PLCB1: variants seen among roughly 807,000 people sequenced by gnomAD.
PLCB1 encodes the protein phospholipase C beta 1.
A neutral mutation model predicts 161.8 loss-of-function variants in PLCB1; 46 were observed. The observed-to-expected ratio is 0.28, with a 90% CI of 0.22 to 0.36. The LOEUF (loss-of-function observed/expected upper bound fraction) is 0.36. Among genes scored for constraint, PLCB1 ranks in the 10% least tolerant of loss-of-function variants. PLCB1 has a pLI of 1.00. For synonymous variants in PLCB1, 517 were observed against 503.7 expected, an observed-to-expected ratio of 1.03 and a Z score of -0.35; for missense variants, 1,016 against 1,472.5, an observed-to-expected ratio of 0.69 and a Z score of 5.07.
chr20:8,276,935 CTT>C lies in PLCB1; in HGVS notation c.178-94446_178-94445del, dbSNP rs1371714046. Among the ~76,000 whole-genome samples the C allele has an allele frequency of 6.3e-3, 181 of 28,550 alleles. 1 individual carries two copies. The highest frequency in any genetic ancestry group is 0.015 in the South Asian group (14 of 944). The allele number at this position is 28,550 out of a possible 152,430, so 18.7% of individuals were successfully genotyped here. On this transcript the variant is annotated intron_variant, in intron 2 of 31. Coordinates refer to ENST00000338037, the MANE Select transcript of PLCB1 (RefSeq NM_015192.4). ...TTCTTCGTCTTCTTCTTTTCTTCTT[CTT>C]CTTCTTCTTCTTCTTCTTCTTCTTC...
intron 3 of PLCB1, among the ~76,000 whole-genome samples, chr20:8,493,758 A>T (rs1305547840): frequency 1.5e-5 from 1 of 68,926 alleles, no homozygotes; most frequent in Non-Finnish European, 3.3e-5. Context: ...TTGGTGTACG[A>T]GAGTCTGCAT....
At chr20:8,779,270 C>T (rs1032022521) in intron 27 of PLCB1, among the ~76,000 whole-genome samples, 1 of 151,958 alleles carries the variant, frequency 6.6e-6, no homozygotes, top group African/African-American at 2.4e-5. Context: ...CTGATAGACA[C>T]TGGAGACGAA....
At chr20:8,756,127 A>G (rs1486484647) in intron 23 of PLCB1, among the ~76,000 whole-genome samples, 1 of 151,646 alleles carries the variant, frequency 6.6e-6, no homozygotes, top group Non-Finnish European at 1.5e-5. Flanking sequence ...AATATAAGGG[A>G]CTCCATTTAG....
intron 2 of PLCB1, among the ~76,000 whole-genome samples, chr20:8,161,879 A>G (rs917045454): frequency 1.6e-4 from 24 of 152,100 alleles, no homozygotes; most frequent in Admixed American, 1.2e-3. Flanking sequence ...TTAATTCAGT[A>G]AACTTCCTGA....
At chr20:8,740,995 A>G (rs1221959326) in intron 22 of PLCB1, among the ~76,000 whole-genome samples, 1 of 152,206 alleles carries the variant, frequency 6.6e-6, no homozygotes, top group Non-Finnish European at 1.5e-5. Flanking sequence ...TATATTGGCA[A>G]ATCATTGGGT....
In PLCB1 at chr20:8,416,494, A is replaced by G. The variant is rs556805905; in HGVS notation, c.246+45044A>G. On this transcript the variant is annotated intron_variant, in intron 3 of 31. Transcript: ENST00000338037. Reference sequence around the variant, plus strand: ...TGTCACACTAGCTGCGGGGGGTGCAAAGGTATGCTCACTAACATTAAGTAA... The same window carrying G: ...TGTCACACTAGCTGCGGGGGGTGCAGAGGTATGCTCACTAACATTAAGTAA... 4.6e-5 allele frequency among the ~76,000 whole-genome samples: 7 copies of G among 152,280 alleles called. No homozygotes were observed. The South Asian group carries it at 1.5e-3, about 32-fold the overall frequency.
intron 3 of PLCB1, among the ~76,000 whole-genome samples, chr20:8,511,201 A>G (rs1027895619): frequency 2.6e-5 from 4 of 152,180 alleles, no homozygotes; most frequent in African/African-American, 4.8e-5. Flanking sequence ...GATTCCACAT[A>G]TAAGTGAAAT....
At chr20:8,165,016 G>C (rs1403004289) in intron 2 of PLCB1, among the ~76,000 whole-genome samples, 1 of 152,110 alleles carries the variant, frequency 6.6e-6, no homozygotes, top group African/African-American at 2.4e-5. Flanking sequence ...CCATAAACTT[G>C]AAAGAGAAAT....
intron 4 of PLCB1, among the ~76,000 whole-genome samples, chr20:8,629,834 TTTCTTTC>T (rs1988484984): frequency 2.4e-5 from 2 of 82,814 alleles, no homozygotes; most frequent in African/African-American, 1.1e-4. Flanking sequence ...TCTTTCTTTC[TTTCTTTC>T]TTTCTTTCTT....
chr20:8,491,121 T>C lies in PLCB1; in HGVS notation c.246+119671T>C, dbSNP rs187825514. ...TTTTGGTGTTTGTGTCATATATATA[T>C]ATAAATATTTGCCTAACTCAAATAT... On this transcript the variant is annotated intron_variant, in intron 3 of 31. Transcript: ENST00000338037. Among the ~76,000 whole-genome samples, 31 of 152,082 alleles carry C rather than the reference T, an allele frequency of 2.0e-4. 1 individual carries two copies. In the East Asian group the frequency reaches 6.0e-3, roughly 29 times the overall value.
At chr20:8,685,234 C>T (rs1334374112) in intron 10 of PLCB1, among the ~76,000 whole-genome samples, 156 bp downstream of exon 10, 1 of 152,144 alleles carries the variant, frequency 6.6e-6, no homozygotes, top group Non-Finnish European at 1.5e-5. Flanking sequence ...CTCCCGCCTC[C>T]CATAAGCAGT....
intron 2 of PLCB1, among the ~76,000 whole-genome samples, chr20:8,363,202 A>G (rs1237380087): frequency 6.6e-6 from 1 of 152,186 alleles, no homozygotes; most frequent in Non-Finnish European, 1.5e-5. Context: ...ACAGACTACC[A>G]CAACTTAATG....
At chr20:8,878,250 T>C (rs1382893065) in intron 31 of PLCB1, among the ~76,000 whole-genome samples, 2 of 152,166 alleles carry the variant, frequency 1.3e-5, no homozygotes, top group Non-Finnish European at 2.9e-5. Context: ...TAAAACAGGC[T>C]CACTTGCTTT....
At chr20:8,424,505 G>C (rs1979666410) in intron 3 of PLCB1, among the ~76,000 whole-genome samples, 1 of 152,058 alleles carries the variant, frequency 6.6e-6, no homozygotes, top group Non-Finnish European at 1.5e-5. Context: ...TTTGATACAA[G>C]ACCAAATGAG....
intron 31 of PLCB1, among the ~76,000 whole-genome samples, chr20:8,830,776 T>G (rs1467102298): frequency 2.0e-5 from 3 of 152,160 alleles, no homozygotes; most frequent in African/African-American, 7.2e-5. Flanking sequence ...TCAGTATGTC[T>G]GGGCAGGATG....
chr20:8,523,438 AGAC>A (rs1381780285), intron 3 of PLCB1, among the ~76,000 whole-genome samples: 1 of 138,568 alleles, frequency 7.2e-6, no homozygotes, highest in Non-Finnish European at 1.6e-5. Flanking sequence ...GTATGGAGAG[AGAC>A]GACAACAAAT....
At chr20:8,375,458 A>G (rs1987041841) in intron 3 of PLCB1, among the ~76,000 whole-genome samples, 1 of 152,204 alleles carries the variant, frequency 6.6e-6, no homozygotes, top group Non-Finnish European at 1.5e-5. Flanking sequence ...ACTTGATAAG[A>G]GTGGAAAATA....
At chr20:8,351,866 C>T (rs930217352) in intron 2 of PLCB1, among the ~76,000 whole-genome samples, 7 of 152,066 alleles carry the variant, frequency 4.6e-5, no homozygotes, top group Admixed American at 1.3e-4. Context: ...TGCACAGCAA[C>T]AGTATCTCTT....
chr20:8,369,509 A>T (rs762731030), intron 2 of PLCB1, among the ~76,000 whole-genome samples: 6 of 152,220 alleles, frequency 3.9e-5, no homozygotes, highest in African/African-American at 1.4e-4. Flanking sequence ...AGAGGGTTCT[A>T]TAATGTGCAT....
Sources: allele counts gnomAD v4.1 joint callset (sites outside exome capture counted in the v4.1 genomes callset), GRCh38; gene constraint gnomAD v4.1.1; transcripts MANE v1.5; gene names NCBI Gene and HGNC (gene_info 2026-07-23, HGNC 2026-07-21).